RIMS1: variants seen among roughly 807,000 people sequenced by gnomAD.
RIMS1 encodes regulating synaptic membrane exocytosis 1.
Under a neutral mutation model 214.1 loss-of-function variants are expected in RIMS1, and 83 were observed. The ratio of observed to expected loss-of-function variants is 0.39; its 90% CI spans 0.32 to 0.47. The LOEUF (loss-of-function observed/expected upper bound fraction) is 0.47. Among genes scored for constraint, RIMS1 ranks in the 20% least tolerant of loss-of-function variants. RIMS1 has a pLI of 0.99. For missense variants in RIMS1, 2,050 were observed against 2,161.8 expected (o/e 0.95, Z 1.03); for synonymous variants, 793 against 786.8 (o/e 1.01, Z -0.13).
At chr6:72,391,317 C>T (rs1487468576) in intron 30 of RIMS1, among the ~76,000 whole-genome samples, 1 of 150,360 alleles carries the variant, frequency 6.7e-6, no homozygotes, top group Non-Finnish European at 1.5e-5. Flanking sequence ...AAATAGAATA[C>T]GATTTTTAAA....
At position 72,252,465 on chromosome 6, in the gene RIMS1, A is replaced by T. The variant is rs116235276; in HGVS notation, c.2699-296A>T. On this transcript the variant is annotated intron_variant, in intron 15 of 33. Transcript: ENST00000521978. ...GTGTAGAAAACAATGTACTGTATAT[A>T]CTGTGCTGAAGGCTTTTAGTATAAT... is the stretch of plus-strand genomic sequence containing the variant. Among the ~76,000 whole-genome samples the T allele has an allele frequency of 2.2e-3, 334 of 152,222 alleles. 1 individual carries two copies. Among genetic ancestry groups the T allele is most frequent in the African/African-American group, 7.7e-3 (320 of 41,544 alleles).
chr6:72,222,299 GC>G (rs1473790518), intron 6 of RIMS1, among the ~76,000 whole-genome samples: 1 of 151,882 alleles, frequency 6.6e-6, no homozygotes, highest in Non-Finnish European at 1.5e-5. Context: ...CACTTGGTTT[GC>G]TCTTTCTTAA....
chr6:72,346,480 C>T (rs952216002), intron 29 of RIMS1, among the ~76,000 whole-genome samples: 5 of 151,730 alleles, frequency 3.3e-5, no homozygotes, highest in African/African-American at 9.7e-5. Flanking sequence ...TGTTCACATA[C>T]GCCACTGTGT....
At chr6:72,289,365 G>A (rs2092957064) in intron 24 of RIMS1, among the ~76,000 whole-genome samples, 1 of 152,088 alleles carries the variant, frequency 6.6e-6, no homozygotes, top group African/African-American at 2.4e-5. Flanking sequence ...TTCATTCTAT[G>A]TAGTTGAGTT....
At chr6:72,098,099 C>T (rs1002438147) in intron 3 of RIMS1, among the ~76,000 whole-genome samples, 6 of 152,104 alleles carry the variant, frequency 3.9e-5, no homozygotes, top group East Asian at 3.9e-4. Context: ...GATTATAATA[C>T]GAAGTCATGT....
intron 10 of RIMS1, among the ~76,000 whole-genome samples, chr6:72,244,897 T>A (rs185274801): frequency 8.2e-4 from 125 of 152,046 alleles, no homozygotes; most frequent in African/African-American, 3.0e-3. Flanking sequence ...TAGAAATTCT[T>A]AAAAAATATG....
intron 4 of RIMS1, among the ~76,000 whole-genome samples, chr6:72,133,144 A>T (rs1458925371): frequency 1.3e-5 from 2 of 152,142 alleles, no homozygotes; most frequent in African/African-American, 4.8e-5. Context: ...TAATTTGATC[A>T]TGTCAAATCC....
chr6:72,351,770 G>T (rs562089961), intron 29 of RIMS1, among the ~76,000 whole-genome samples: 1 of 152,184 alleles, frequency 6.6e-6, no homozygotes, highest in East Asian at 1.9e-4. Flanking sequence ...CTTCAGTGTC[G>T]ATGGTGAGCA....
chr6:71,914,920 G>A (rs1217095988), intron 1 of RIMS1, among the ~76,000 whole-genome samples: 2 of 152,120 alleles, frequency 1.3e-5, no homozygotes, highest in East Asian at 3.9e-4. Context: ...GTTAACAAGC[G>A]TTGTGCTGCC....
chr6:72,099,837 C>A, intron 3 of RIMS1, 138 bp from the exon 4 acceptor site: 1 of 671,134 alleles, frequency 1.5e-6, no homozygotes. Context: ...ATTTACTTTT[C>A]AAAATAGTTG....
At chr6:72,248,644 G>A (rs1427945666) in intron 12 of RIMS1, among the ~76,000 whole-genome samples, 1 of 152,070 alleles carries the variant, frequency 6.6e-6, no homozygotes, top group Non-Finnish European at 1.5e-5. Flanking sequence ...AAGAAACTAG[G>A]GTTAAGGATA....
intron 4 of RIMS1, among the ~76,000 whole-genome samples, chr6:72,160,392 T>G (rs2045194726): frequency 7.1e-6 from 1 of 139,870 alleles, no homozygotes; most frequent in Admixed American, 7.4e-5. Flanking sequence ...TCCTGCCTGA[T>G]TGCCCTGGCC....
chr6:72,328,061 G>A lies in RIMS1; in HGVS notation c.4131-5539G>A, dbSNP rs1478472794. On this transcript the variant is annotated intron_variant, in intron 28 of 33. Transcript: ENST00000521978. ...GCAAAGACTTGGAACCAACCCAAAT[G>A]CCAATCAGTGATAGACTGGATAAAG... 2.6e-5 allele frequency among the ~76,000 whole-genome samples: 4 copies of A among 151,946 alleles called. No individual in the cohort carries two copies. In the South Asian group the frequency reaches 6.2e-4, roughly 24 times the overall value.
intron 2 of RIMS1, among the ~76,000 whole-genome samples, chr6:72,043,890 A>G (rs966839775): frequency 3.3e-5 from 5 of 151,770 alleles, no homozygotes; most frequent in South Asian, 2.1e-4. Context: ...AGAAAAGTAA[A>G]ATTACCCATG....
chr6:72,271,296 T>A (rs1340573341), intron 22 of RIMS1, among the ~76,000 whole-genome samples: 2 of 28,610 alleles, frequency 7.0e-5, no homozygotes, highest in African/African-American at 9.6e-5. Context: ...AATATATATA[T>A]ATATATATAT....
At chr6:72,362,179 T>C (rs914537817) in intron 29 of RIMS1, among the ~76,000 whole-genome samples, 5 of 152,164 alleles carry the variant, frequency 3.3e-5, no homozygotes, top group African/African-American at 9.7e-5. Context: ...TACCAATCTT[T>C]CCCTAGGTCA....
intron 24 of RIMS1, 103 bp downstream of exon 24, chr6:72,284,221 G>T (rs935440275): frequency 1.6e-5 from 15 of 909,754 alleles, no homozygotes; most frequent in Non-Finnish European, 2.4e-5. Flanking sequence ...CACAAATTGT[G>T]ATGTTTAAAG....
intron 6 of RIMS1, among the ~76,000 whole-genome samples, chr6:72,214,518 C>A (rs1000416032): frequency 1.3e-5 from 2 of 151,912 alleles, no homozygotes; most frequent in African/African-American, 4.8e-5. Flanking sequence ...GAATGAGGGA[C>A]AAATATTAGA....
At chr6:72,278,152 A>T (rs9351906) in intron 23 of RIMS1, among the ~76,000 whole-genome samples, 38,948 of 128,384 alleles carry the variant, frequency 0.3, 5,667 homozygotes, top group East Asian at 0.49. Flanking sequence ...AATGGTTTTT[A>T]ATCTATCTAT....
Sources: allele counts gnomAD v4.1 joint callset (sites outside exome capture counted in the v4.1 genomes callset), GRCh38; gene constraint gnomAD v4.1.1; transcripts MANE v1.5; gene names NCBI Gene and HGNC (gene_info 2026-07-23, HGNC 2026-07-21).